The following FNDC3A variants were observed in gnomAD, a reference collection of about 807,000 sequenced individuals.
The protein encoded by FNDC3A is fibronectin type-III domain-containing protein 3A.
FNDC3A carries 32 observed loss-of-function variants against 148.9 expected under a neutral mutation model. The ratio of observed to expected loss-of-function variants is 0.21; its 90% CI spans 0.16 to 0.29. FNDC3A has a LOEUF of 0.29. FNDC3A is among the 10% of genes least tolerant of loss of function. The pLI is 1.00. For missense variants in FNDC3A, 1,191 were observed against 1,452.8 expected (o/e 0.82, Z 2.93); for synonymous variants, 472 against 473.6 (o/e 1.00, Z 0.04).
At chr13:49,131,773 C>G (rs911736969) in intron 5 of FNDC3A, among the ~76,000 whole-genome samples, 4 of 152,146 alleles carry the variant, frequency 2.6e-5, no homozygotes, top group Admixed American at 2.6e-4. Context: ...CAGGATAAGC[C>G]ATAACCTCTG....
At chr13:49,096,830 C>T (rs566866976) in intron 3 of FNDC3A, among the ~76,000 whole-genome samples, 2 of 152,166 alleles carry the variant, frequency 1.3e-5, no homozygotes, top group East Asian at 3.9e-4. Context: ...GGTAGGAATA[C>T]CTGAGCAAGC....
In FNDC3A at chr13:49,191,121, G is replaced by A. The variant is rs1885862326; in HGVS notation, c.2050+1G>A. On this transcript the variant is annotated splice_donor_variant, in intron 18 of 25. Coordinates refer to ENST00000492622, the MANE Select transcript of FNDC3A (RefSeq NM_001079673.2). LOFTEE classifies it high-confidence loss of function. Reference sequence around the variant, plus strand: ...GCAAAAGAAATACAGTTACGATGGGGTAATTTCCATTTTGGTAATAAATTA... The same window carrying A: ...GCAAAAGAAATACAGTTACGATGGGATAATTTCCATTTTGGTAATAAATTA... The A allele has an allele frequency of 6.2e-7, 1 of 1,607,526 alleles. No individual in the cohort carries two copies. The highest frequency in any genetic ancestry group is 8.5e-7 in the Non-Finnish European group (1 of 1,177,280).
At chr13:49,139,740 C>T (rs1882585417) in intron 7 of FNDC3A, among the ~76,000 whole-genome samples, 1 of 152,118 alleles carries the variant, frequency 6.6e-6, no homozygotes, top group South Asian at 2.1e-4. Flanking sequence ...ATGGTTAACA[C>T]AAATTGATTA....
At chr13:49,191,956 G>A (rs1187019909) in intron 19 of FNDC3A, among the ~76,000 whole-genome samples, 2 of 152,126 alleles carry the variant, frequency 1.3e-5, no homozygotes, top group Admixed American at 6.6e-5. Flanking sequence ...AAGGAAACGG[G>A]TTCAGGAAAG....
chr13:49,147,304 C>T (rs1039335204), intron 8 of FNDC3A, among the ~76,000 whole-genome samples: 4 of 152,228 alleles, frequency 2.6e-5, no homozygotes, highest in Non-Finnish European at 5.9e-5. Flanking sequence ...TAGTCATCTC[C>T]CATATCCTAC....
At chr13:49,013,864 T>TG (rs1952428120) in intron 2 of FNDC3A, among the ~76,000 whole-genome samples, 1 of 151,384 alleles carries the variant, frequency 6.6e-6, no homozygotes, top group African/African-American at 2.4e-5. Flanking sequence ...TTTTTGTTCT[T>TG]GCAGTAGTTT....
intron 8 of FNDC3A, chr13:49,146,877 G>A (rs537232401): frequency 1.4e-3 from 211 of 152,300 alleles, no homozygotes; most frequent in African/African-American, 4.9e-3. Context: ...TAATAAAAAA[G>A]GGTAATGTTA....
At chr13:49,091,455 G>T (rs1348319032) in intron 3 of FNDC3A, among the ~76,000 whole-genome samples, 1 of 152,098 alleles carries the variant, frequency 6.6e-6, no homozygotes, top group Non-Finnish European at 1.5e-5. Context: ...AAACCATTGG[G>T]TACAGCCCAT....
intron 2 of FNDC3A, among the ~76,000 whole-genome samples, chr13:49,012,805 ATGTGTGTG>A (rs61137549): frequency 1.0e-3 from 137 of 134,618 alleles, no homozygotes; most frequent in African/African-American, 3.4e-3. Context: ...GCAATTATAA[ATGTGTGTG>A]TGTGTGTGTG....
At chr13:49,150,866 A>G (rs914750676) in intron 8 of FNDC3A, among the ~76,000 whole-genome samples, 2 of 149,484 alleles carry the variant, frequency 1.3e-5, no homozygotes, top group African/African-American at 5.0e-5. Context: ...AATCGCTTGA[A>G]CCTGGGAGAC....
chr13:49,107,276 T>C (rs1224660584), intron 3 of FNDC3A, among the ~76,000 whole-genome samples: 1 of 152,218 alleles, frequency 6.6e-6, no homozygotes, highest in African/African-American at 2.4e-5. Context: ...TAGAGTTATA[T>C]AGAGTTATGT....
At position 49,178,570 on chromosome 13, in the gene FNDC3A, A is replaced by G. The variant is rs1182154826; in HGVS notation, c.1533A>G (p.Gly511=). Residue 511 remains glycine, a splice_region_variant and synonymous_variant, in exon 14 of 26, where the codon GGA becomes GGG. Transcript: ENST00000492622. ...GACTTTGTTTTTTCCTTTTCCAGGG[A>G]TATGGTTTTAAGCCTAAATATGATG... ...YILEMEEETS[G]YGFKPKYDGE... 2.5e-6 allele frequency: 4 copies of G among 1,585,622 alleles called. No homozygotes were observed. The highest frequency in any genetic ancestry group is 3.4e-6 in the Non-Finnish European group (4 of 1,160,528).
intron 7 of FNDC3A, among the ~76,000 whole-genome samples, chr13:49,145,310 G>A (rs1330596106): frequency 6.6e-6 from 1 of 151,948 alleles, no homozygotes; most frequent in African/African-American, 2.4e-5. Flanking sequence ...ATGAAAACTG[G>A]GATTCTGTTT....
At chr13:49,135,264 T>C (rs2137936824) in intron 5 of FNDC3A, among the ~76,000 whole-genome samples, 1 of 152,326 alleles carries the variant, frequency 6.6e-6, no homozygotes, top group Non-Finnish European at 1.5e-5. Flanking sequence ...ATATATATTC[T>C]GGATACAAGT....
At chr13:49,154,195 T>C (rs1365634085) in intron 8 of FNDC3A, among the ~76,000 whole-genome samples, 1 of 150,328 alleles carries the variant, frequency 6.7e-6, no homozygotes, top group Non-Finnish European at 1.5e-5. Context: ...TTTATCTCAT[T>C]GAGCAGTGGT....
intron 2 of FNDC3A, among the ~76,000 whole-genome samples, chr13:49,028,363 C>T (rs1268614702): frequency 1.3e-5 from 2 of 152,030 alleles, no homozygotes; most frequent in African/African-American, 4.8e-5. Context: ...ACCTCAGCCT[C>T]CTAAGTAGCT....
chr13:49,049,601 G>A (rs1443778016), intron 2 of FNDC3A, among the ~76,000 whole-genome samples: 5 of 152,222 alleles, frequency 3.3e-5, no homozygotes, highest in Admixed American at 6.5e-5. Flanking sequence ...ACACATAAAG[G>A]TGTTCATAGT....
At chr13:49,051,610 T>C (rs193173532) in intron 2 of FNDC3A, among the ~76,000 whole-genome samples, 2 of 152,352 alleles carry the variant, frequency 1.3e-5, no homozygotes, top group Non-Finnish European at 2.9e-5. Context: ...TAAGATTCTT[T>C]CCTTTGTCTT....
intron 17 of FNDC3A, 21 bp downstream of exon 17, chr13:49,188,654 C>T: frequency 6.6e-7 from 1 of 1,516,316 alleles, no homozygotes; most frequent in Non-Finnish European, 9.1e-7. Flanking sequence ...TATGTAGATT[C>T]TTTTGTGTTG....
Sources: gnomAD v4.1 joint callset for allele counts (sites outside exome capture counted in the v4.1 genomes callset) on GRCh38, gnomAD v4.1.1 for gene constraint, MANE v1.5 for transcripts, NCBI Gene and HGNC (gene_info 2026-07-23, HGNC 2026-07-21) for gene names.